CD300LD: variants seen among roughly 807,000 people sequenced by gnomAD.
CD300LD encodes CMRF35-like molecule 5.
In CD300LD, 18 loss-of-function variants were observed where a neutral mutation model predicts 20.3. The observed-to-expected ratio is 0.89, with a 90% CI of 0.61 to 1.32. The LOEUF is 1.32. Among genes scored for constraint, CD300LD ranks in the 40% most tolerant of loss-of-function variants. CD300LD has a pLI of 0.00. For missense variants in CD300LD, 195 were observed against 226.6 expected, an observed-to-expected ratio of 0.86 and a Z score of 0.90; for synonymous variants, 104 against 90.1, an observed-to-expected ratio of 1.15 and a Z score of -0.87.
chr17:74,583,131 C>T (rs2030074938), intron 2 of CD300LD, among the ~76,000 whole-genome samples: 1 of 152,156 alleles, frequency 6.6e-6, no homozygotes, highest in Non-Finnish European at 1.5e-5. Context: ...TCATAATCCC[C>T]ATGCCCGCCC....
intron 2 of CD300LD, 94 bp downstream of exon 2, chr17:74,588,417 A>T (rs2030219097): frequency 2.6e-6 from 2 of 769,484 alleles, no homozygotes; most frequent in Non-Finnish European, 4.4e-6. Context: ...GTCACAGGTC[A>T]CTCTGAGTGA....
rs1251551084 is a variant in CD300LD, at chr17:74,592,141, T to C, written c.40+22A>G. Reference sequence around the variant, plus strand: ...AGCCAGCCGCTGTCATTCCAGTGCCTTAAAGCTCCAGCCACACTCACCTGG... The same window carrying C: ...AGCCAGCCGCTGTCATTCCAGTGCCCTAAAGCTCCAGCCACACTCACCTGG... On this transcript the variant is annotated intron_variant, in intron 1 of 3. Coordinates refer to ENST00000375352, the MANE Select transcript of CD300LD (RefSeq NM_001115152.2). The C allele has an allele frequency of 3.1e-6, 5 of 1,614,138 alleles. No individual in the cohort carries two copies. In the East Asian group the frequency reaches 1.1e-4, roughly 36 times the overall value.
At chr17:74,584,199 T>C (rs1443386240) in intron 2 of CD300LD, among the ~76,000 whole-genome samples, 1 of 152,250 alleles carries the variant, frequency 6.6e-6, no homozygotes, top group African/African-American at 2.4e-5. Context: ...ATGGAAGTGC[T>C]GAGGGGCTGG....
chr17:74,586,501 A>C (rs922352042), intron 2 of CD300LD, among the ~76,000 whole-genome samples: 4 of 151,850 alleles, frequency 2.6e-5, no homozygotes, highest in African/African-American at 9.7e-5. Context: ...TCAGAATGGC[A>C]CCCCCCTGTC....
At chr17:74,579,179 C>T (rs542196383), downstream of CD300LD, among the ~76,000 whole-genome samples, 191 of 152,346 alleles carry the variant, frequency 1.3e-3, 1 homozygote, top group Middle Eastern at 3.4e-3. Flanking sequence ...CACGGCAGCC[C>T]GGAAACCTCT....
chr17:74,589,045 G>T (rs868823518), intron 1 of CD300LD, among the ~76,000 whole-genome samples, 196 bp from the exon 2 acceptor site: 145 of 152,322 alleles, frequency 9.5e-4, no homozygotes, highest in African/African-American at 3.3e-3. Context: ...GAGCACAACT[G>T]CAGATCCCCA....
In CD300LD at chr17:74,582,230, C is replaced by T. The variant is rs550350720; in HGVS notation, c.461G>A (p.Ser154Asn). The T allele has an allele frequency of 8.7e-6, 14 of 1,613,794 alleles. No homozygotes were observed. In the African/African-American group the frequency reaches 1.6e-4, roughly 18 times the overall value. ...TGGCTCCACCTACCTGGTGAGGGGGCTGCTGGTCTTCTGGGTGGCTGCAGC... is the reference window on the plus strand; with the variant it reads ...TGGCTCCACCTACCTGGTGAGGGGGTTGCTGGTCTTCTGGGTGGCTGCAGC... Reference protein sequence around the residue: ...FTAAATQKTSSPLTRSPLKST... With the variant: ...FTAAATQKTSNPLTRSPLKST... The change falls in exon 3 of 4, where the codon AGC (serine) becomes AAC (asparagine). Residue 154 changes from serine (S) to asparagine (N), a missense_variant. Physicochemically the swap from Ser to Asn is conservative, Grantham distance 46 (BLOSUM62 1). Transcript: ENST00000375352.
At chr17:74,588,360 G>C (rs1406853955) in intron 2 of CD300LD, 151 bp downstream of exon 2, 3 of 568,118 alleles carry the variant, frequency 5.3e-6, no homozygotes, top group Non-Finnish European at 9.4e-6. Flanking sequence ...GTTTTGGAGG[G>C]ACAAATATTC....
chr17:74,592,209 GTCTCC>G lies in CD300LD; in HGVS notation c.-12_-8del. 14 of 1,614,000 alleles carry G rather than the reference GTCTCC, an allele frequency of 8.7e-6. No homozygotes were observed. The highest frequency in any genetic ancestry group is 1.2e-5 in the Non-Finnish European group (14 of 1,179,902). ...GAGATGGGGACAGCCACATGGTCCT[GTCTCC>G]TCTCCTCTCCTTGGTGATCACAGGT... is the stretch of plus-strand genomic sequence containing the variant. On this transcript the variant is annotated 5_prime_UTR_variant, in exon 1 of 4. Transcript: ENST00000375352.
chr17:74,580,642 C>T (rs7342922), intron 3 of CD300LD, among the ~76,000 whole-genome samples: 1 of 152,098 alleles, frequency 6.6e-6, no homozygotes, highest in Non-Finnish European at 1.5e-5. Flanking sequence ...GGCCCAGAAC[C>T]TTATTGACCA....
rs1455994266 is a variant in CD300LD, at chr17:74,592,178, G to A, written c.25C>T (p.Leu9Phe). 2 of 1,614,094 alleles carry A rather than the reference G, an allele frequency of 1.2e-6. No individual in the cohort carries two copies. Among genetic ancestry groups the A allele is most frequent in the East Asian group, 2.2e-5 (1 of 44,892 alleles). ...CCACACTCACCTGGGAGGATGAGAA[G>A]CAGCAGAGATGGGGACAGCCACATG... Reference protein sequence around the residue: MWLSPSLLLLILPGYSIAA... With the variant: MWLSPSLLFLILPGYSIAA... The change falls in exon 1 of 4, where the codon CTT (leucine) becomes TTT (phenylalanine). Residue 9 changes from leucine to phenylalanine, a missense_variant. Physicochemically the swap from Leu to Phe is conservative, Grantham distance 22. Coordinates refer to ENST00000375352, the MANE Select transcript of CD300LD (RefSeq NM_001115152.2).
chr17:74,582,433 G>T, intron 2 of CD300LD, 122 bp from the exon 3 acceptor site: 1 of 644,688 alleles, frequency 1.6e-6, no homozygotes, highest in East Asian at 2.8e-5. Context: ...AGACTGTCTG[G>T]TCAGCATCCA....
rs758785305 is a variant in CD300LD, at chr17:74,592,238, G to C, written c.-36C>G. On this transcript the variant is annotated 5_prime_UTR_variant, in exon 1 of 4. Transcript: ENST00000375352. Reference sequence around the variant, plus strand: ...CCTCTCCTCTCCTTGGTGATCACAGGTGTCTGGTGCCCTTCAGGGACTTGA... The same window carrying C: ...CCTCTCCTCTCCTTGGTGATCACAGCTGTCTGGTGCCCTTCAGGGACTTGA... 6.2e-7 allele frequency: 1 copy of C among 1,614,122 alleles called. No individual in the cohort carries two copies. Among genetic ancestry groups the C allele is most frequent in the Non-Finnish European group, 8.5e-7 (1 of 1,180,006 alleles).
intron 1 of CD300LD, 33 bp from the exon 2 acceptor site, chr17:74,588,882 C>T: frequency 1.3e-6 from 2 of 1,527,214 alleles, no homozygotes; most frequent in South Asian, 1.2e-5. Flanking sequence ...TCGTCACCTC[C>T]CACCCCAAGG....
At chr17:74,591,166 C>A (rs1046589384) in intron 1 of CD300LD, among the ~76,000 whole-genome samples, 5 of 151,036 alleles carry the variant, frequency 3.3e-5, no homozygotes, top group Admixed American at 2.6e-4. Flanking sequence ...ATAATCCCAG[C>A]ACTTTGGGAG....
At position 74,579,588 on chromosome 17, in the gene CD300LD, G is replaced by A. The variant is rs2029986841; in HGVS notation, c.*414C>T. ...CTAGAACCACAGTCAATTCCCCATA[G>A]AAATGTTGTTTTTCTGCCAGGTGCG... On this transcript the variant is annotated 3_prime_UTR_variant, in exon 4 of 4. Coordinates refer to ENST00000375352, the MANE Select transcript of CD300LD (RefSeq NM_001115152.2). 6.0e-6 allele frequency: 1 copy of A among 165,704 alleles called. No individual in the cohort carries two copies. Among genetic ancestry groups the A allele is most frequent in the Non-Finnish European group, 1.3e-5 (1 of 76,516 alleles). 10.3% of individuals were successfully genotyped at this position (165,704 alleles called of 1,614,324 possible).
At chr17:74,586,734 C>T (rs1267497250) in intron 2 of CD300LD, among the ~76,000 whole-genome samples, 1 of 152,016 alleles carries the variant, frequency 6.6e-6, no homozygotes, top group East Asian at 1.9e-4. Flanking sequence ...GGGACCTTTG[C>T]CAACAGGATA....
intron 1 of CD300LD, among the ~76,000 whole-genome samples, chr17:74,589,438 T>A (rs2030254007): frequency 6.6e-6 from 1 of 152,214 alleles, no homozygotes; most frequent in African/African-American, 2.4e-5. Flanking sequence ...AAAAGCTAAC[T>A]TTTAAGATAA....
At position 74,579,934 on chromosome 17, in the gene CD300LD, G is replaced by A. The variant is rs1161963706; in HGVS notation, c.*68C>T. 4 of 885,520 alleles carry A rather than the reference G, an allele frequency of 4.5e-6. No individual in the cohort carries two copies. Among genetic ancestry groups the A allele is most frequent in the Non-Finnish European group, 7.3e-6 (4 of 546,042 alleles). 54.9% of individuals were successfully genotyped at this position (885,520 alleles called of 1,614,324 possible). A position where few individuals can be genotyped will look rare whatever the true frequency, so the allele number is the denominator to read the frequency against. On this transcript the variant is annotated 3_prime_UTR_variant, in exon 4 of 4. Transcript: ENST00000375352. ...GAAAATGTTTTTTCTTCTGTGGGAG[G>A]GCCTTTCGCCCTGGACAGGACGTCA...
Sources: gnomAD v4.1 joint callset for allele counts (sites outside exome capture counted in the v4.1 genomes callset) on GRCh38, gnomAD v4.1.1 for gene constraint, MANE v1.5 for transcripts, NCBI Gene and HGNC (gene_info 2026-07-23, HGNC 2026-07-21) for gene names.